The following PTPRG variants were observed in gnomAD, a reference collection of about 807,000 sequenced individuals.
The protein encoded by PTPRG is receptor-type tyrosine-protein phosphatase gamma.
A neutral mutation model predicts 165.3 loss-of-function variants in PTPRG; 102 were observed. The ratio of observed to expected loss-of-function variants is 0.62; its 90% CI spans 0.53 to 0.73. The LOEUF (loss-of-function observed/expected upper bound fraction) is 0.73. Ranked by LOEUF, PTPRG falls within the 30% of genes least tolerant of loss-of-function variation. PTPRG has a pLI of 0.00. For synonymous variants in PTPRG, 675 were observed against 669.5 expected, an observed-to-expected ratio of 1.01 and a Z score of -0.13; for missense variants, 1,866 against 1,861.4, an observed-to-expected ratio of 1.00 and a Z score of -0.05.
At chr3:61,824,470 G>A (rs1383368162) in intron 2 of PTPRG, among the ~76,000 whole-genome samples, 1 of 152,192 alleles carries the variant, frequency 6.6e-6, no homozygotes, top group Non-Finnish European at 1.5e-5. Context: ...TTGCAGCAGG[G>A]AAAACCATAG....
chr3:62,119,834 C>G, intron 5 of PTPRG, among the ~76,000 whole-genome samples: 1 of 140,852 alleles, frequency 7.1e-6, no homozygotes, highest in Non-Finnish European at 1.5e-5. Context: ...CGGGGTTTCA[C>G]CATGTTGGCC....
chr3:61,934,431 A>C (rs889514435), intron 2 of PTPRG, among the ~76,000 whole-genome samples: 2 of 152,066 alleles, frequency 1.3e-5, no homozygotes, highest in Non-Finnish European at 2.9e-5. Context: ...CTGTAACAAT[A>C]GTCCAAGTAA....
At chr3:62,156,496 C>T (rs1387185027) in intron 6 of PTPRG, among the ~76,000 whole-genome samples, 1 of 152,116 alleles carries the variant, frequency 6.6e-6, no homozygotes, top group Non-Finnish European at 1.5e-5. Context: ...CTAGTTGTGC[C>T]TTGGTTGGGC....
chr3:62,208,071 C>T (rs1199910458), intron 12 of PTPRG, among the ~76,000 whole-genome samples: 1 of 152,212 alleles, frequency 6.6e-6, no homozygotes, highest in East Asian at 1.9e-4. Context: ...AAACCCATCC[C>T]TGGGCCAGGT....
rs1017695553 is a variant in PTPRG, at chr3:62,082,515, G to C, written c.615+4257G>C. On this transcript the variant is annotated intron_variant, in intron 5 of 29. Coordinates refer to ENST00000474889, the MANE Select transcript of PTPRG (RefSeq NM_002841.4). ...TGGAAGGTTTTACACAAAATGTCTT[G>C]ATGATGTAGCAGTAATCGAGATGTG... Among the ~76,000 whole-genome samples the C allele has an allele frequency of 2.0e-5, 3 of 152,176 alleles. No individual in the cohort carries two copies. The South Asian group carries it at 6.2e-4, about 32-fold the overall frequency.
rs749817659 is a variant in PTPRG, at chr3:61,752,785, C to CAAAAAAAAAAAAAAAAAAAAAA, written c.190+3819_190+3820insAAAAAAAAAAAAAAAAAAAAAA. Among the ~76,000 whole-genome samples, 83 of 69,902 alleles carry CAAAAAAAAAAAAAAAAAAAAAA rather than the reference C, an allele frequency of 1.2e-3. 1 individual carries two copies. The highest frequency in any genetic ancestry group is 1.7e-3 in the Non-Finnish European group (67 of 39,924). 45.9% of individuals were successfully genotyped at this position (69,902 alleles called of 152,430 possible). A position where few individuals can be genotyped will look rare whatever the true frequency, so the allele number is the denominator to read the frequency against. On this transcript the variant is annotated intron_variant, in intron 2 of 29. Coordinates refer to ENST00000474889, the MANE Select transcript of PTPRG (RefSeq NM_002841.4). ...CCTGGGTGATAGAGCAAGACTGTCT[C>CAAAAAAAAAAAAAAAAAAAAAA]AAAAAAAAAAAAAAAAGAAAAAAAA...
chr3:61,886,974 G>A (rs1465117604), intron 2 of PTPRG, among the ~76,000 whole-genome samples: 1 of 150,822 alleles, frequency 6.6e-6, no homozygotes, highest in Non-Finnish European at 1.5e-5. Context: ...CAGTGTTCAT[G>A]GACGATCAAG....
intron 8 of PTPRG, among the ~76,000 whole-genome samples, chr3:62,185,177 A>G (rs1705826785): frequency 6.6e-6 from 1 of 152,190 alleles, no homozygotes; most frequent in Non-Finnish European, 1.5e-5. Context: ...GAGTGAAGGC[A>G]GAAATTCTCA....
intron 1 of PTPRG, among the ~76,000 whole-genome samples, chr3:61,731,349 C>CA (rs1402190506): frequency 7.6e-6 from 1 of 132,196 alleles, no homozygotes; most frequent in Non-Finnish European, 1.6e-5. Context: ...TTCCTTTTTC[C>CA]TTTTTTTTTT....
chr3:61,811,732 C>T (rs954913234), intron 2 of PTPRG, among the ~76,000 whole-genome samples: 6 of 152,104 alleles, frequency 3.9e-5, no homozygotes, highest in African/African-American at 9.7e-5. Flanking sequence ...ATCAGCCATG[C>T]GAGTCAGATA....
chr3:62,141,637 C>T (rs1056895696), intron 6 of PTPRG, among the ~76,000 whole-genome samples: 3 of 151,506 alleles, frequency 2.0e-5, no homozygotes, highest in Middle Eastern at 3.2e-3. Flanking sequence ...CAGTGGCTCA[C>T]GCCTGTAACC....
chr3:61,710,955 T>C (rs977747608), intron 1 of PTPRG, among the ~76,000 whole-genome samples: 1 of 152,002 alleles, frequency 6.6e-6, no homozygotes, highest in Non-Finnish European at 1.5e-5. Flanking sequence ...TGGTGTGTGA[T>C]GTTCCCCTCC....
intron 2 of PTPRG, among the ~76,000 whole-genome samples, chr3:61,754,258 G>C (rs1214854158): frequency 1.3e-5 from 2 of 152,202 alleles, no homozygotes; most frequent in African/African-American, 4.8e-5. Flanking sequence ...TGGGATTTGA[G>C]GAATTGCTCA....
intron 2 of PTPRG, among the ~76,000 whole-genome samples, chr3:61,931,126 C>T (rs1055153529): frequency 1.3e-5 from 2 of 152,134 alleles, no homozygotes; most frequent in African/African-American, 4.8e-5. Context: ...CCTGCAGCCT[C>T]CCCAACCTGA....
chr3:61,676,957 C>T (rs982488580), intron 1 of PTPRG, among the ~76,000 whole-genome samples: 1 of 151,994 alleles, frequency 6.6e-6, no homozygotes, highest in African/African-American at 2.4e-5. Context: ...GAATCACTAC[C>T]TCTTCTTAGC....
At chr3:61,917,835 G>T (rs1009078037) in intron 2 of PTPRG, among the ~76,000 whole-genome samples, 1 of 152,168 alleles carries the variant, frequency 6.6e-6, no homozygotes, top group African/African-American at 2.4e-5. Flanking sequence ...AGGAGGCTGC[G>T]GCAGAAGAAT....
intron 2 of PTPRG, among the ~76,000 whole-genome samples, chr3:61,817,085 A>T (rs997515423): frequency 7.5e-6 from 1 of 132,736 alleles, no homozygotes; most frequent in Non-Finnish European, 1.6e-5. Flanking sequence ...TATATATAAT[A>T]TATATTACAT....
At chr3:61,829,337 G>A (rs535510611) in intron 2 of PTPRG, among the ~76,000 whole-genome samples, 2 of 152,328 alleles carry the variant, frequency 1.3e-5, no homozygotes, top group South Asian at 2.1e-4. Flanking sequence ...TATCACAAAC[G>A]TGCACTCTGT....
chr3:62,115,359 T>C (rs1404665045), intron 5 of PTPRG, among the ~76,000 whole-genome samples: 3 of 152,188 alleles, frequency 2.0e-5, no homozygotes, highest in Non-Finnish European at 4.4e-5. Context: ...TTATCTTTGG[T>C]GCAGACTCTC....
Sources: gnomAD v4.1 joint callset for allele counts (sites outside exome capture counted in the v4.1 genomes callset) on GRCh38, gnomAD v4.1.1 for gene constraint, MANE v1.5 for transcripts, NCBI Gene and HGNC (gene_info 2026-07-23, HGNC 2026-07-21) for gene names.